The following C6orf118 variants were observed in gnomAD, a reference collection of about 807,000 sequenced individuals.
C6orf118 encodes the protein uncharacterized protein C6orf118.
C6orf118 carries 50 observed loss-of-function variants against 50.2 expected under a neutral mutation model. The ratio of observed to expected loss-of-function variants is 1.00; its 90% confidence interval spans 0.79 to 1.26. The LOEUF is 1.26. C6orf118 is among the 50% of genes most tolerant of loss of function. C6orf118 has a pLI of 0.00. For missense variants in C6orf118, 641 were observed against 578.7 expected, an observed-to-expected ratio of 1.11 and a Z score of -1.10; for synonymous variants, 239 against 230.9, an observed-to-expected ratio of 1.03 and a Z score of -0.32.
At chr6:165,288,947 A>C (rs1034599247) in intron 7 of C6orf118, among the ~76,000 whole-genome samples, 2 of 152,084 alleles carry the variant, frequency 1.3e-5, no homozygotes, top group African/African-American at 4.8e-5. Context: ...AAATAGAAAA[A>C]AATAAAATAA....
chr6:165,287,398 T>C (rs965739634), intron 7 of C6orf118, among the ~76,000 whole-genome samples: 1 of 151,992 alleles, frequency 6.6e-6, no homozygotes, highest in Non-Finnish European at 1.5e-5. Flanking sequence ...TAAACTACCA[T>C]TGACATTCTC....
chr6:165,289,809 A>G (rs1014509991), intron 7 of C6orf118, 77 bp downstream of exon 7: 1 of 999,414 alleles, frequency 1.0e-6, no homozygotes, highest in African/African-American at 1.7e-5. Context: ...CTATTACCAA[A>G]TCACATTACT....
At chr6:165,306,409 G>T (rs1199641560) in intron 1 of C6orf118, among the ~76,000 whole-genome samples, 1 of 131,742 alleles carries the variant, frequency 7.6e-6, no homozygotes, top group Non-Finnish European at 1.6e-5. Context: ...CACCAGCATG[G>T]CACATGTATA....
Position 165,293,395 on chromosome 6 carries a change from C to T in C6orf118, c.1120+18G>A. 1 of 1,612,046 alleles carries T rather than the reference C, an allele frequency of 6.2e-7. No homozygotes were observed. The highest frequency in any genetic ancestry group is 8.5e-7 in the Non-Finnish European group (1 of 1,178,054). On this transcript the variant is annotated intron_variant, in intron 6 of 8. Coordinates refer to ENST00000230301, the MANE Select transcript of C6orf118 (RefSeq NM_144980.4). The stretch of plus-strand genomic sequence containing the variant: ...ACAGCAAAGCACCCATAAGGAAGGA[C>T]ATCACACAGACACCTGCCTGATCGT...
At chr6:165,309,086 GT>G (rs564122666) in intron 1 of C6orf118, among the ~76,000 whole-genome samples, 2 of 152,202 alleles carry the variant, frequency 1.3e-5, no homozygotes, top group Non-Finnish European at 2.9e-5. Context: ...AGCCTTCAGG[GT>G]CACAGAGACA....
intron 6 of C6orf118, among the ~76,000 whole-genome samples, chr6:165,292,279 T>C (rs1056776771): frequency 6.6e-6 from 1 of 152,004 alleles, no homozygotes; most frequent in Non-Finnish European, 1.5e-5. Context: ...CAAATGTGTA[T>C]GATTGGAGGA....
Position 165,293,410 on chromosome 6 carries a change from T to A in C6orf118, c.1120+3A>T. On this transcript the variant is annotated splice_donor_region_variant and intron_variant, in intron 6 of 8. Transcript: ENST00000230301. ...TAAGGAAGGACATCACACAGACACC[T>A]GCCTGATCGTTCCTTTGCAGACTGC... 3 of 1,613,962 alleles carry A rather than the reference T, an allele frequency of 1.9e-6. No individual in the cohort carries two copies. The highest frequency in any genetic ancestry group is 2.5e-6 in the Non-Finnish European group (3 of 1,179,786).
At position 165,301,629 on chromosome 6, in the gene C6orf118, G is replaced by C. The variant is rs1368223352; in HGVS notation, c.693C>G (p.Leu231=). The change falls in exon 2 of 9, where the codon CTC becomes CTG. Residue 231 remains leucine (L), a synonymous_variant. Transcript: ENST00000230301. ...TGCTCCCAGTGAAGTCATTCTTCAG[G>C]AGATCTTGCTTGGCGAGCACTTCCT... The part of the protein sequence containing the change: ...FQKEVLAKQD[L]LKNDFTGSKA... 1 of 1,614,118 alleles carries C rather than the reference G, an allele frequency of 6.2e-7. No individual in the cohort carries two copies. Among genetic ancestry groups the C allele is most frequent in the Non-Finnish European group, 8.5e-7 (1 of 1,180,012 alleles).
At chr6:165,283,114 C>A (rs1179719384) in intron 7 of C6orf118, among the ~76,000 whole-genome samples, 1 of 152,102 alleles carries the variant, frequency 6.6e-6, no homozygotes, top group East Asian at 1.9e-4. Flanking sequence ...ACGAAAATGG[C>A]AAGTGAATCC....
chr6:165,280,313 G>A (rs559297065), intron 8 of C6orf118, among the ~76,000 whole-genome samples: 1 of 152,300 alleles, frequency 6.6e-6, no homozygotes, highest in South Asian at 2.1e-4. Flanking sequence ...TAGATAGATG[G>A]ATTCCCCTGT....
At chr6:165,308,263 T>A (rs1216717341) in intron 1 of C6orf118, among the ~76,000 whole-genome samples, 2 of 152,058 alleles carry the variant, frequency 1.3e-5, no homozygotes, top group Non-Finnish European at 2.9e-5. Flanking sequence ...TTAGTCTGGA[T>A]GGTCAGGGCT....
intron 1 of C6orf118, among the ~76,000 whole-genome samples, chr6:165,308,761 C>T (rs184274620): frequency 1.4e-3 from 217 of 152,324 alleles, no homozygotes; most frequent in African/African-American, 4.8e-3. Context: ...GGAGGGGAAA[C>T]TGAGGTTCAG....
At chr6:165,308,373 G>T (rs747866111) in intron 1 of C6orf118, among the ~76,000 whole-genome samples, 2 of 152,166 alleles carry the variant, frequency 1.3e-5, no homozygotes, top group Non-Finnish European at 2.9e-5. Context: ...TGCAAGGAAA[G>T]GAAGCTTCCA....
rs757541436 is a variant in C6orf118 at position 165,302,098 on chromosome 6, G to A, written c.224C>T (p.Thr75Met). Residue 75 changes from threonine to methionine, a missense_variant, in exon 2 of 9, where the codon ACG (threonine) becomes ATG (methionine). Coordinates refer to ENST00000230301, the MANE Select transcript of C6orf118 (RefSeq NM_144980.4). ...NPNKLYQPPE[T>M]ILQHWPNAHR... Reference sequence around the variant, plus strand: ...GGCATTGGGCCAGTGCTGTAAGATCGTCTCCGGAGGCTGGTAGAGCTTGTT... The same window carrying A: ...GGCATTGGGCCAGTGCTGTAAGATCATCTCCGGAGGCTGGTAGAGCTTGTT... 16 of 1,613,812 alleles carry A rather than the reference G, an allele frequency of 9.9e-6. No individual in the cohort carries two copies. The highest frequency in any genetic ancestry group is 4.4e-5 in the South Asian group (4 of 91,076).
At chr6:165,293,972 C>T (rs1780196753) in intron 5 of C6orf118, among the ~76,000 whole-genome samples, 1 of 152,052 alleles carries the variant, frequency 6.6e-6, no homozygotes, top group African/African-American at 2.4e-5. Context: ...AGAGGCCGGG[C>T]ATGGTGGCTC....
intron 7 of C6orf118, among the ~76,000 whole-genome samples, chr6:165,285,442 C>G (rs1779868460): frequency 6.6e-6 from 1 of 152,152 alleles, no homozygotes; most frequent in Admixed American, 6.5e-5. Flanking sequence ...CAGCTCAGAT[C>G]AAGTGGACCT....
At position 165,281,829 on chromosome 6, in the gene C6orf118, G is replaced by A. The variant is rs374758120; in HGVS notation, c.1303-136C>T. The A allele has an allele frequency of 1.0e-4, 47 of 452,328 alleles. No homozygotes were observed. In the South Asian group the frequency reaches 2.0e-3, roughly 20 times the overall value. The allele number at this position is 452,328 out of a possible 1,614,324, so 28.0% of individuals were successfully genotyped here. ...AATAGCACATTACTTAAAAACAGAT[G>A]AAGAAACAAAGCATAAAATGAAGGA... is the stretch of plus-strand genomic sequence containing the variant. On this transcript the variant is annotated intron_variant, in intron 7 of 8. Coordinates refer to ENST00000230301, the MANE Select transcript of C6orf118 (RefSeq NM_144980.4).
At position 165,296,500 on chromosome 6, in the gene C6orf118, G is replaced by C. The variant is rs555818247; in HGVS notation, c.1061+1477C>G. Among the ~76,000 whole-genome samples, 166 of 152,114 alleles carry C rather than the reference G, an allele frequency of 1.1e-3. 1 individual carries two copies. Among genetic ancestry groups the C allele is most frequent in the African/African-American group, 3.7e-3 (154 of 41,502 alleles). Reference sequence around the variant, plus strand: ...CCCACTGACCCCGCACCCTGTAGGGGCCATGAGAATATGCTGCAGTGACCC... The same window carrying C: ...CCCACTGACCCCGCACCCTGTAGGGCCCATGAGAATATGCTGCAGTGACCC... On this transcript the variant is annotated intron_variant, in intron 5 of 8. Transcript: ENST00000230301.
At chr6:165,292,288 G>A (rs1204787928) in intron 6 of C6orf118, among the ~76,000 whole-genome samples, 1 of 152,104 alleles carries the variant, frequency 6.6e-6, no homozygotes, top group Non-Finnish European at 1.5e-5. Flanking sequence ...ATGATTGGAG[G>A]AGCAGGCTCC....
Sources: allele counts gnomAD v4.1 joint callset (sites outside exome capture counted in the v4.1 genomes callset), GRCh38; gene constraint gnomAD v4.1.1; transcripts MANE v1.5; gene names NCBI Gene and HGNC (gene_info 2026-07-23, HGNC 2026-07-21).